The following MMP16 variants were observed in gnomAD, a reference collection of about 807,000 sequenced individuals.
MMP16 encodes matrix metallopeptidase 16.
In MMP16, 12 loss-of-function variants were observed where a neutral mutation model predicts 67.8. The ratio of observed to expected loss-of-function variants is 0.18; its 90% confidence interval spans 0.11 to 0.29. The LOEUF (loss-of-function observed/expected upper bound fraction) is 0.29. MMP16 is among the 10% of genes least tolerant of loss of function. The pLI is 1.00. For synonymous variants in MMP16, 249 were observed against 255.9 expected, an observed-to-expected ratio of 0.97 and a Z score of 0.26; for missense variants, 475 against 765.7, an observed-to-expected ratio of 0.62 and a Z score of 4.48.
intron 6 of MMP16, among the ~76,000 whole-genome samples, chr8:88,077,163 A>T (rs1808664849): frequency 6.6e-6 from 1 of 152,218 alleles, no homozygotes; most frequent in Non-Finnish European, 1.5e-5. Context: ...CTTGGCAGAG[A>T]GTCATATAAA....
At chr8:88,270,560 G>A (rs1438386687) in intron 1 of MMP16, among the ~76,000 whole-genome samples, 2 of 152,110 alleles carry the variant, frequency 1.3e-5, no homozygotes, top group Non-Finnish European at 2.9e-5. Context: ...TTGTAGATAA[G>A]GAAGCAGAGA....
intron 7 of MMP16, among the ~76,000 whole-genome samples, chr8:88,065,490 C>G (rs958280837): frequency 6.6e-6 from 1 of 151,814 alleles, no homozygotes; most frequent in East Asian, 1.9e-4. Context: ...AATATTAATA[C>G]TAAAATTCCA....
intron 1 of MMP16, among the ~76,000 whole-genome samples, chr8:88,284,985 G>C (rs1810804411): frequency 6.6e-6 from 1 of 151,870 alleles, no homozygotes; most frequent in Admixed American, 6.6e-5. Context: ...CTTATTATGG[G>C]CCTCTGTTAA....
At chr8:88,105,605 A>G (rs1305403378) in intron 6 of MMP16, among the ~76,000 whole-genome samples, 1 of 151,422 alleles carries the variant, frequency 6.6e-6, no homozygotes, top group Non-Finnish European at 1.5e-5. Flanking sequence ...TTGCCCCACC[A>G]TCTCCCTGTC....
intron 3 of MMP16, among the ~76,000 whole-genome samples, chr8:88,184,266 CTTTT>C (rs1483063625): frequency 6.6e-6 from 1 of 152,044 alleles, no homozygotes; most frequent in Non-Finnish European, 1.5e-5. Context: ...AGGTTTCTTT[CTTTT>C]GTTTCAGCTC....
At chr8:88,120,851 G>GA (rs796752177) in intron 4 of MMP16, among the ~76,000 whole-genome samples, 231 of 149,716 alleles carry the variant, frequency 1.5e-3, no homozygotes, top group African/African-American at 5.2e-3. Flanking sequence ...TCTTTACAGG[G>GA]AAAAAAAAAA....
chr8:88,306,813 A>T (rs1811218105), intron 1 of MMP16, among the ~76,000 whole-genome samples: 1 of 152,230 alleles, frequency 6.6e-6, no homozygotes, highest in Non-Finnish European at 1.5e-5. Context: ...TCAAACCCAC[A>T]GCCAGTATCA....
chr8:88,126,228 G>T (rs1807928942), intron 4 of MMP16, among the ~76,000 whole-genome samples: 1 of 151,786 alleles, frequency 6.6e-6, no homozygotes, highest in Non-Finnish European at 1.5e-5. Context: ...AAATATGAGT[G>T]CCTGGAGCTC....
intron 4 of MMP16, among the ~76,000 whole-genome samples, chr8:88,155,407 A>G (rs953231261): frequency 2.6e-5 from 4 of 152,066 alleles, no homozygotes; most frequent in African/African-American, 9.7e-5. Context: ...AGTGATATAA[A>G]GAATCTTTTT....
At chr8:88,195,890 T>G (rs2129778122) in intron 2 of MMP16, among the ~76,000 whole-genome samples, 1 of 152,282 alleles carries the variant, frequency 6.6e-6, no homozygotes, top group African/African-American at 2.4e-5. Flanking sequence ...TTTATAAAGG[T>G]TTTCCTGTGT....
chr8:88,109,392 G>A (rs569211967), intron 6 of MMP16, among the ~76,000 whole-genome samples: 6 of 151,214 alleles, frequency 4.0e-5, no homozygotes, highest in South Asian at 2.1e-4. Flanking sequence ...TTGTAAGACC[G>A]TCTTGTGAAA....
chr8:88,196,797 G>T (rs1809263966), intron 2 of MMP16, among the ~76,000 whole-genome samples: 1 of 151,952 alleles, frequency 6.6e-6, no homozygotes, highest in Admixed American at 6.6e-5. Context: ...TGATACCAAT[G>T]AACAGAGATT....
At chr8:88,062,948 G>T (rs1465549507) in intron 7 of MMP16, among the ~76,000 whole-genome samples, 1 of 152,046 alleles carries the variant, frequency 6.6e-6, no homozygotes. Context: ...CCATCAGACA[G>T]TCTGGGTCTC....
intron 1 of MMP16, 85 bp from the exon 2 acceptor site, chr8:88,197,391 G>C: frequency 8.5e-7 from 1 of 1,175,562 alleles, no homozygotes; most frequent in South Asian, 2.3e-5. Flanking sequence ...CTATAATAGA[G>C]TTTTGAACAT....
At chr8:88,262,933 G>A (rs1810411409) in intron 1 of MMP16, among the ~76,000 whole-genome samples, 1 of 151,018 alleles carries the variant, frequency 6.6e-6, no homozygotes, top group African/African-American at 2.4e-5. Context: ...GCTGAGGCAG[G>A]AGAATGGCGT....
rs941212058 is a variant in MMP16, at chr8:88,038,428, T to C, written c.*3033A>G. ...TGCTATGATTATTTTCTAGCCCTTA[T>C]ATACTGATAGCCTTATGACGAATCA... is the stretch of plus-strand genomic sequence containing the variant. On this transcript the variant is annotated 3_prime_UTR_variant, in exon 10 of 10. Coordinates refer to ENST00000286614, the MANE Select transcript of MMP16 (RefSeq NM_005941.5). The surrounding 1 kb of genome is among the most constrained non-coding windows in gnomAD (Gnocchi z 4.1). The C allele has an allele frequency of 3.3e-5, 5 of 152,492 alleles. No homozygotes were observed. The highest frequency in any genetic ancestry group is 9.7e-5 in the African/African-American group (4 of 41,444). 9.4% of individuals were successfully genotyped at this position (152,492 alleles called of 1,614,324 possible).
At chr8:88,078,462 T>C (rs1808689415) in intron 6 of MMP16, among the ~76,000 whole-genome samples, 1 of 152,162 alleles carries the variant, frequency 6.6e-6, no homozygotes, top group Non-Finnish European at 1.5e-5. Context: ...TAGGCATATT[T>C]GTTTGCTGAG....
Position 88,036,426 on chromosome 8 carries a change from A to G in MMP16, c.*5035T>C, listed in dbSNP as rs1272662087. 6.6e-6 allele frequency: 1 copy of G among 151,880 alleles called. No homozygotes were observed. The highest frequency in any genetic ancestry group is 1.5e-5 in the Non-Finnish European group (1 of 67,844). 9.4% of individuals were successfully genotyped at this position (151,880 alleles called of 1,614,324 possible). ...TTCCATCATATTATATAAATATGAAAGCTAAATATAATAATTAGCTTTCAT... is the reference window on the plus strand; with the variant it reads ...TTCCATCATATTATATAAATATGAAGGCTAAATATAATAATTAGCTTTCAT... On this transcript the variant is annotated 3_prime_UTR_variant, in exon 10 of 10. Transcript: ENST00000286614.
intron 2 of MMP16, among the ~76,000 whole-genome samples, chr8:88,188,568 T>C (rs1809115884): frequency 6.6e-6 from 1 of 152,160 alleles, no homozygotes; most frequent in African/African-American, 2.4e-5. Flanking sequence ...ATGTATAAAA[T>C]TGAAAAATGA....
Sources: gnomAD v4.1 joint callset for allele counts (sites outside exome capture counted in the v4.1 genomes callset) on GRCh38, gnomAD v4.1.1 for gene constraint, Gnocchi (gnomAD v3.1) non-coding constraint, MANE v1.5 for transcripts, NCBI Gene and HGNC (gene_info 2026-07-23, HGNC 2026-07-21) for gene names.